The following NYAP2 variants were observed in gnomAD, a reference collection of about 807,000 sequenced individuals.
The protein encoded by NYAP2 is neuronal tyrosine-phosphorylated phosphoinositide-3-kinase adapter 2.
In NYAP2, 23 loss-of-function variants were observed where a neutral mutation model predicts 50.4. The ratio of observed to expected loss-of-function variants is 0.46; its 90% CI spans 0.33 to 0.65. NYAP2 has a LOEUF of 0.65. Ranked by LOEUF, NYAP2 falls within the 30% of genes least tolerant of loss-of-function variation. The pLI is 0.02. For synonymous variants in NYAP2, 394 were observed against 365.2 expected (o/e 1.08, Z -0.90); for missense variants, 885 against 861.0 (o/e 1.03, Z -0.35).
At chr2:225,657,988 T>A (rs992904676), downstream of NYAP2, among the ~76,000 whole-genome samples, 3 of 152,220 alleles carry the variant, frequency 2.0e-5, no homozygotes, top group Admixed American at 6.5e-5. Flanking sequence ...TTTTTTTCTT[T>A]TTTGAGATTC....
intron 4 of NYAP2, among the ~76,000 whole-genome samples, chr2:225,541,045 T>C (rs981377185): frequency 6.6e-6 from 1 of 152,214 alleles, no homozygotes; most frequent in East Asian, 1.9e-4. Context: ...TGATCAATGA[T>C]GTTGGACACC....
intron 4 of NYAP2, among the ~76,000 whole-genome samples, chr2:225,569,303 G>T (rs572143676): frequency 6.6e-6 from 1 of 152,314 alleles, no homozygotes; most frequent in South Asian, 2.1e-4. Flanking sequence ...TTAAGTTAAT[G>T]AAAACTCAGG....
intron 2 of NYAP2, among the ~76,000 whole-genome samples, chr2:225,406,143 A>C (rs559826697): frequency 6.6e-6 from 1 of 151,876 alleles, no homozygotes; most frequent in Non-Finnish European, 1.5e-5. Context: ...AAGTTTAAAA[A>C]CAGTAATTAA....
At chr2:225,636,777 A>G (rs1206432436) in intron 6 of NYAP2, among the ~76,000 whole-genome samples, 1 of 152,134 alleles carries the variant, frequency 6.6e-6, no homozygotes, top group African/African-American at 2.4e-5. Context: ...CCCTGCCACC[A>G]CCATGTGAAC....
chr2:225,606,010 T>C (rs1334300440), intron 5 of NYAP2, among the ~76,000 whole-genome samples: 1 of 152,178 alleles, frequency 6.6e-6, no homozygotes, highest in African/African-American at 2.4e-5. Context: ...TGAATATTTT[T>C]TGAAAGATCC....
chr2:225,411,420 G>A (rs918233559), intron 3 of NYAP2, among the ~76,000 whole-genome samples: 21 of 152,062 alleles, frequency 1.4e-4, no homozygotes, highest in Admixed American at 1.3e-3. Flanking sequence ...CTGATGGGGG[G>A]GCAGGAGCTC....
At chr2:225,458,435 A>ATGTT (rs1254747153) in intron 3 of NYAP2, among the ~76,000 whole-genome samples, 10 of 152,232 alleles carry the variant, frequency 6.6e-5, no homozygotes, top group Admixed American at 1.3e-4. Flanking sequence ...TATTGAATCA[A>ATGTT]TGTTAGTATA....
At chr2:225,667,372 G>A in the NYAP2 span, among the ~76,000 whole-genome samples, 3 of 152,152 alleles carry the variant, frequency 2.0e-5, no homozygotes, top group East Asian at 3.9e-4. Flanking sequence ...AAAGGAGTGA[G>A]AAGTCTGAAG....
intron 3 of NYAP2, among the ~76,000 whole-genome samples, chr2:225,496,837 G>T (rs1690515646): frequency 6.6e-6 from 1 of 152,052 alleles, no homozygotes; most frequent in South Asian, 2.1e-4. Context: ...GGCTCATTGT[G>T]CTGTTGTGTG....
At chr2:225,455,390 G>A (rs1392190575) in intron 3 of NYAP2, among the ~76,000 whole-genome samples, 1 of 152,166 alleles carries the variant, frequency 6.6e-6, no homozygotes, top group Non-Finnish European at 1.5e-5. Context: ...CCTATTCTCA[G>A]CTATACATTA....
chr2:225,585,622 C>T (rs1692376129), intron 5 of NYAP2, among the ~76,000 whole-genome samples: 2 of 152,182 alleles, frequency 1.3e-5, no homozygotes, highest in Non-Finnish European at 2.9e-5. Context: ...AAGGGCATGC[C>T]TCTGAGTTAC....
At chr2:225,500,075 G>A (rs1242336320) in intron 3 of NYAP2, among the ~76,000 whole-genome samples, 1 of 152,090 alleles carries the variant, frequency 6.6e-6, no homozygotes, top group African/African-American at 2.4e-5. Context: ...GCATACCAGA[G>A]GAAAAAATAT....
intron 6 of NYAP2, among the ~76,000 whole-genome samples, chr2:225,632,735 T>G (rs1033891703): frequency 3.9e-5 from 6 of 152,110 alleles, no homozygotes; most frequent in African/African-American, 1.4e-4. Context: ...TGACAAAAAC[T>G]CAGATTTCAA....
At chr2:225,417,034 G>A (rs1695136256) in intron 3 of NYAP2, among the ~76,000 whole-genome samples, 1 of 152,154 alleles carries the variant, frequency 6.6e-6, no homozygotes, top group South Asian at 2.1e-4. Flanking sequence ...ACTGTCAATA[G>A]TTTCCTGTTG....
chr2:225,553,074 G>T (rs1691708355), intron 4 of NYAP2, among the ~76,000 whole-genome samples: 2 of 152,206 alleles, frequency 1.3e-5, no homozygotes, highest in South Asian at 4.1e-4. Flanking sequence ...GGCAGCGAAG[G>T]AAAGAGACTA....
chr2:225,577,242 G>C (rs954668235), intron 4 of NYAP2, among the ~76,000 whole-genome samples: 4 of 152,072 alleles, frequency 2.6e-5, no homozygotes, highest in Admixed American at 2.6e-4. Flanking sequence ...TTCTGGAGCT[G>C]AACAGGAATT....
chr2:225,651,585 C>T, exon 7 of NYAP2: 1 of 1,612,626 alleles, frequency 6.2e-7, no homozygotes, highest in Non-Finnish European at 8.5e-7. Context: ...ATACAACTTG[C>T]CAAATGCTTC....
intron 3 of NYAP2, among the ~76,000 whole-genome samples, chr2:225,468,470 G>T (rs1689958893): frequency 6.6e-6 from 1 of 152,116 alleles, no homozygotes; most frequent in South Asian, 2.1e-4. Context: ...GAGAAAGGAA[G>T]AATAGACAAG....
intron 3 of NYAP2, among the ~76,000 whole-genome samples, chr2:225,450,511 A>C (rs553474806): frequency 6.6e-6 from 1 of 152,300 alleles, no homozygotes; most frequent in Non-Finnish European, 1.5e-5. Context: ...AGTGGTGAAC[A>C]AAACACACTT....
Sources: gnomAD v4.1 joint callset for allele counts (sites outside exome capture counted in the v4.1 genomes callset) on GRCh38, gnomAD v4.1.1 for gene constraint, MANE v1.5 for transcripts, NCBI Gene and HGNC (gene_info 2026-07-23, HGNC 2026-07-21) for gene names.